The following RMST variants were observed in gnomAD, a reference collection of about 807,000 sequenced individuals.
RMST encodes long intergenic non-protein coding RNA 54.
At chr12:97,491,972 A>T (rs1876883931) in intron 5 of RMST, 1 of 533,022 alleles carries the variant, frequency 1.9e-6, no homozygotes, top group African/African-American at 1.9e-5. Context: ...GCCAGTGTAG[A>T]CATGGCCTGA....
At chr12:97,464,020 A>G (rs1872888346) in intron 4 of RMST, among the ~76,000 whole-genome samples, 1 of 152,204 alleles carries the variant, frequency 6.6e-6, no homozygotes, top group Non-Finnish European at 1.5e-5. Flanking sequence ...GAAATAATGA[A>G]TGAGTCGCAC....
intron 5 of RMST, among the ~76,000 whole-genome samples, chr12:97,466,265 T>C (rs1235735669): frequency 6.6e-6 from 1 of 152,158 alleles, no homozygotes; most frequent in African/African-American, 2.4e-5. Flanking sequence ...TGAAGTAATT[T>C]CCAAATAATT....
chr12:97,485,224 T>C (rs4762388), intron 5 of RMST, among the ~76,000 whole-genome samples: 11,675 of 152,238 alleles, frequency 0.077, 670 homozygotes, highest in Middle Eastern at 0.13. Flanking sequence ...TTGCATTCCA[T>C]CCATTTCTCT....
At chr12:97,559,003 G>T (rs1883910269) in intron 11 of RMST, among the ~76,000 whole-genome samples, 1 of 152,134 alleles carries the variant, frequency 6.6e-6, no homozygotes. Context: ...CATCTCACTT[G>T]TGATAAATAT....
At chr12:97,528,153 T>C (rs974412209) in intron 10 of RMST, among the ~76,000 whole-genome samples, 1 of 152,144 alleles carries the variant, frequency 6.6e-6, no homozygotes, top group African/African-American at 2.4e-5. Context: ...AAGCAAACTT[T>C]TGTAAAAGAA....
chr12:97,536,451 A>G (rs545752132), intron 11 of RMST, among the ~76,000 whole-genome samples: 8 of 151,520 alleles, frequency 5.3e-5, no homozygotes, highest in Non-Finnish European at 1.0e-4. Context: ...GATTTCATCA[A>G]CCTTCTCATT....
intron 5 of RMST, among the ~76,000 whole-genome samples, chr12:97,479,132 G>A (rs1370127580): frequency 1.5e-5 from 1 of 68,718 alleles, no homozygotes; most frequent in African/African-American, 6.9e-5. Context: ...CCTTGTCTTT[G>A]CTTTTTTTTT....
rs185444901 is a variant in RMST, at chr12:97,548,278, C to T, written n.1546-12259C>T. On this transcript the variant is annotated intron_variant and non_coding_transcript_variant, in intron 11 of 13. Coordinates refer to ENST00000640149, the Ensembl canonical transcript of RMST. ...CATTTGTTTTTATGCTAGACCTGTG[C>T]GGTTTTGATTACTATAGCTTTGTAG... Among the ~76,000 whole-genome samples, 268 of 152,140 alleles carry T rather than the reference C, an allele frequency of 1.8e-3. 3 individuals carry two copies. The highest frequency in any genetic ancestry group is 5.7e-3 in the African/African-American group (237 of 41,532).
chr12:97,466,375 C>T (rs1487498677), intron 5 of RMST, among the ~76,000 whole-genome samples: 2 of 152,106 alleles, frequency 1.3e-5, no homozygotes, highest in Non-Finnish European at 2.9e-5. Context: ...GGGTTTCTTA[C>T]TTCAAGTCCT....
At chr12:97,465,299 G>A (rs1873052163) in intron 4 of RMST, among the ~76,000 whole-genome samples, 2 of 152,254 alleles carry the variant, frequency 1.3e-5, no homozygotes, top group South Asian at 2.1e-4. Flanking sequence ...TGGTTCTTTG[G>A]GGGAAAGTTG....
intron 5 of RMST, among the ~76,000 whole-genome samples, chr12:97,469,576 A>G (rs751254479): frequency 6.6e-6 from 1 of 152,124 alleles, no homozygotes; most frequent in Non-Finnish European, 1.5e-5. Context: ...GTTTGTTTGT[A>G]GATGAGGAAA....
At chr12:97,506,498 G>A (rs946083175) in intron 10 of RMST, among the ~76,000 whole-genome samples, 1 of 152,108 alleles carries the variant, frequency 6.6e-6, no homozygotes, top group Non-Finnish European at 1.5e-5. Context: ...TAAATTATCT[G>A]TCTTTTAGGA....
chr12:97,492,696 G>A (rs368860506), intron 6 of RMST: 2 of 152,070 alleles, frequency 1.3e-5, no homozygotes, highest in African/African-American at 4.8e-5. Context: ...GATGCTTCTT[G>A]CCTGTTTTTC....
intron 11 of RMST, among the ~76,000 whole-genome samples, chr12:97,559,088 T>TTCTC (rs56136727): frequency 0.14 from 19,824 of 146,466 alleles, 1,921 homozygotes; most frequent in African/African-American, 0.28. Context: ...ATTTCGAGGT[T>TTCTC]TCTCTCTCTC....
chr12:97,473,494 T>A (rs979830921), intron 5 of RMST, among the ~76,000 whole-genome samples: 1 of 152,166 alleles, frequency 6.6e-6, no homozygotes, highest in African/African-American at 2.4e-5. Context: ...GTTTACATCA[T>A]TGCTTGTGCC....
chr12:97,526,541 C>T (rs984161907), intron 10 of RMST, among the ~76,000 whole-genome samples: 1 of 152,094 alleles, frequency 6.6e-6, no homozygotes, highest in Non-Finnish European at 1.5e-5. Flanking sequence ...TCTTCACATT[C>T]AAAGTCCTGA....
At chr12:97,505,220 A>G (rs1461678719) in intron 10 of RMST, among the ~76,000 whole-genome samples, 1 of 152,252 alleles carries the variant, frequency 6.6e-6, no homozygotes, top group Non-Finnish European at 1.5e-5. Flanking sequence ...AAATATATTA[A>G]TAGTTAACTC....
chr12:97,548,555 G>A (rs1367594053), intron 11 of RMST, among the ~76,000 whole-genome samples: 1 of 151,940 alleles, frequency 6.6e-6, no homozygotes, highest in Non-Finnish European at 1.5e-5. Context: ...ATAGTTTTCA[G>A]TGTGTAGGTT....
intron 5 of RMST, among the ~76,000 whole-genome samples, chr12:97,474,454 G>A (rs963660055): frequency 6.6e-6 from 1 of 152,004 alleles, no homozygotes; most frequent in African/African-American, 2.4e-5. Context: ...TCCATGCAAT[G>A]TAAAAGATGT....
Sources: allele counts gnomAD v4.1 joint callset (sites outside exome capture counted in the v4.1 genomes callset), GRCh38; gene constraint gnomAD v4.1.1; transcripts MANE v1.5; gene names NCBI Gene and HGNC (gene_info 2026-07-23, HGNC 2026-07-21).